The following MAST2 variants were observed in gnomAD, a reference collection of about 807,000 sequenced individuals.
MAST2 encodes the protein microtubule-associated serine/threonine-protein kinase 2.
MAST2 carries 70 observed loss-of-function variants against 147.4 expected under a neutral mutation model. The ratio of observed to expected loss-of-function variants is 0.47; its 90% CI spans 0.39 to 0.58. MAST2 has a LOEUF of 0.58. Among genes scored for constraint, MAST2 ranks in the 20% least tolerant of loss-of-function variants. MAST2 has a pLI of 0.00. For synonymous variants in MAST2, 869 were observed against 896.8 expected, an observed-to-expected ratio of 0.97 and a Z score of 0.55; for missense variants, 2,080 against 2,302.3, an observed-to-expected ratio of 0.90 and a Z score of 1.98.
chr1:45,888,108 A>G (rs553100112), intron 4 of MAST2, among the ~76,000 whole-genome samples: 10 of 152,350 alleles, frequency 6.6e-5, no homozygotes, highest in Admixed American at 2.0e-4. Flanking sequence ...CCACATTTAT[A>G]TCGCTAGATC....
chr1:45,916,385 C>T (rs1385119678), intron 4 of MAST2, among the ~76,000 whole-genome samples: 1 of 152,078 alleles, frequency 6.6e-6, no homozygotes, highest in East Asian at 1.9e-4. Context: ...TTATTTTTAT[C>T]ATGTGTCGTT....
chr1:45,807,941 G>A (rs904840285), intron 1 of MAST2, among the ~76,000 whole-genome samples: 1 of 152,124 alleles, frequency 6.6e-6, no homozygotes, highest in Non-Finnish European at 1.5e-5. Flanking sequence ...TGTATGTGTC[G>A]AGACTGGTTG....
At chr1:45,882,978 T>TATAAAAAA (rs1646915278) in intron 4 of MAST2, among the ~76,000 whole-genome samples, 1 of 152,210 alleles carries the variant, frequency 6.6e-6, no homozygotes, top group Admixed American at 6.5e-5. Context: ...GTTGGGGCAG[T>TATAAAAAA]ATTAGAAATT....
chr1:45,959,284 G>A (rs915301748), intron 4 of MAST2, 102 bp from the exon 5 acceptor site: 17 of 787,882 alleles, frequency 2.2e-5, no homozygotes, highest in African/African-American at 1.7e-4. Flanking sequence ...TATACTGTGC[G>A]GCCCGTGGAA....
chr1:46,032,715 G>C lies in MAST2; in HGVS notation c.3534G>C (p.Leu1178=). The change falls in exon 26 of 29, where the codon CTG becomes CTC. Residue 1178 remains leucine, a synonymous_variant. Coordinates refer to ENST00000361297, the MANE Select transcript of MAST2 (RefSeq NM_015112.3). The stretch of plus-strand genomic sequence containing the variant: ...ACACGGAGGTGGTAGAGCTGATCCT[G>C]AAGGTTAGTGCTGGGCGTGCTGCCT... ...LVHTEVVELI[L]KSGNKVAIST... is the part of the protein sequence containing the mutation. 1 of 1,612,972 alleles carries C rather than the reference G, an allele frequency of 6.2e-7. No individual in the cohort carries two copies. Among genetic ancestry groups the C allele is most frequent in the Non-Finnish European group, 8.5e-7 (1 of 1,179,238 alleles).
At chr1:45,941,668 C>CTATTTTTTTTTT (rs150533221) in intron 4 of MAST2, among the ~76,000 whole-genome samples, 1 of 151,666 alleles carries the variant, frequency 6.6e-6, no homozygotes, top group African/African-American at 2.4e-5. Context: ...TTGTTTATTC[C>CTATTTTTTTTTT]TATTTGTTTT....
At chr1:45,818,459 T>C (rs954805007) in intron 1 of MAST2, among the ~76,000 whole-genome samples, 1 of 152,212 alleles carries the variant, frequency 6.6e-6, no homozygotes, top group African/African-American at 2.4e-5. Flanking sequence ...TTCATTGTTC[T>C]GTAGAATAAG....
At chr1:45,877,622 T>C (rs751718869) in intron 3 of MAST2, among the ~76,000 whole-genome samples, 13 of 152,194 alleles carry the variant, frequency 8.5e-5, no homozygotes, top group South Asian at 2.1e-4. Context: ...GTCTTACTTA[T>C]TAACATACAG....
chr1:45,971,244 G>C (rs188428675), intron 5 of MAST2, among the ~76,000 whole-genome samples: 1 of 152,250 alleles, frequency 6.6e-6, no homozygotes, highest in Admixed American at 6.5e-5. Flanking sequence ...GACCAAAGCT[G>C]GTCCACAGTT....
chr1:45,969,510 G>T (rs138373515), intron 5 of MAST2, among the ~76,000 whole-genome samples: 3 of 152,090 alleles, frequency 2.0e-5, no homozygotes, highest in Non-Finnish European at 2.9e-5. Flanking sequence ...TCTGCCTCCT[G>T]TCAGATCAGC....
intron 4 of MAST2, among the ~76,000 whole-genome samples, chr1:45,934,928 T>C (rs1655960112): frequency 6.6e-6 from 1 of 152,246 alleles, no homozygotes; most frequent in Non-Finnish European, 1.5e-5. Context: ...ATGATGGGGT[T>C]GCTGGGTTGA....
intron 5 of MAST2, among the ~76,000 whole-genome samples, chr1:45,962,513 G>A (rs1660574032): frequency 6.6e-6 from 1 of 152,332 alleles, no homozygotes; most frequent in Admixed American, 6.5e-5. Flanking sequence ...GCATTTCTCT[G>A]ATGGCCAGTG....
intron 4 of MAST2, among the ~76,000 whole-genome samples, chr1:45,938,003 CA>C (rs1160928878): frequency 6.6e-6 from 1 of 152,154 alleles, no homozygotes; most frequent in African/African-American, 2.4e-5. Flanking sequence ...TAGCTCTAAG[CA>C]ATAACTCATC....
chr1:45,960,628 A>G (rs1008445874), intron 5 of MAST2, among the ~76,000 whole-genome samples: 1 of 152,222 alleles, frequency 6.6e-6, no homozygotes, highest in African/African-American at 2.4e-5. Context: ...TGTAGAAGGT[A>G]TATTCTTGTA....
chr1:45,984,583 A>G (rs947956696), intron 5 of MAST2, among the ~76,000 whole-genome samples: 1 of 152,166 alleles, frequency 6.6e-6, no homozygotes, highest in Non-Finnish European at 1.5e-5. Flanking sequence ...TACTGAGATT[A>G]CAGGCAAGAA....
At chr1:45,982,442 A>T (rs541257697) in intron 5 of MAST2, among the ~76,000 whole-genome samples, 16 of 152,326 alleles carry the variant, frequency 1.1e-4, no homozygotes, top group African/African-American at 2.9e-4. Flanking sequence ...CGGGAGATTG[A>T]GTTCAGTCAT....
intron 5 of MAST2, among the ~76,000 whole-genome samples, chr1:45,965,610 A>G (rs981437810): frequency 6.6e-6 from 1 of 152,196 alleles, no homozygotes. Context: ...TTTTGAGCCT[A>G]TGTGTGTATT....
intron 26 of MAST2, 137 bp downstream of exon 26, chr1:46,032,855 C>T (rs1457832960): frequency 1.9e-5 from 23 of 1,182,284 alleles, no homozygotes; most frequent in African/African-American, 1.7e-4. Context: ...ACAGGCCGGG[C>T]GCGGTGGCTC....
At chr1:45,994,995 C>T (rs4660904) in intron 5 of MAST2, among the ~76,000 whole-genome samples, 51,432 of 151,808 alleles carry the variant, frequency 0.34, 9,105 homozygotes, top group African/African-American at 0.43. Flanking sequence ...CCCGCCACCA[C>T]GCCCGGCTAA....
Sources: allele counts gnomAD v4.1 joint callset (sites outside exome capture counted in the v4.1 genomes callset), GRCh38; gene constraint gnomAD v4.1.1; transcripts MANE v1.5; gene names NCBI Gene and HGNC (gene_info 2026-07-23, HGNC 2026-07-21).